Variants in NELFCD observed in about 807,000 individuals in gnomAD.
The protein encoded by NELFCD is negative elongation factor complex member C/D, also known as negative elongation factor C/D.
Under a neutral mutation model 72.9 loss-of-function variants are expected in NELFCD, and 48 were observed. That is an observed-to-expected ratio of 0.66 (90% CI 0.52 to 0.84). The LOEUF (loss-of-function observed/expected upper bound fraction) is 0.84, where lower values mean the gene tolerates loss of function less well. NELFCD is among the 40% of genes least tolerant of loss of function. The pLI is 0.00. For missense variants in NELFCD, 538 were observed against 723.8 expected (o/e 0.74, Z 2.94); for synonymous variants, 297 against 280.6 (o/e 1.06, Z -0.59).
At chr20:58,984,380 G>A (rs1256609773) in intron 1 of NELFCD, among the ~76,000 whole-genome samples, 1 of 152,104 alleles carries the variant, frequency 6.6e-6, no homozygotes, top group Non-Finnish European at 1.5e-5. Flanking sequence ...TGAAAGGAAG[G>A]AATAAGACTG....
In NELFCD at chr20:58,995,006, C is replaced by T. The variant is rs2091849686; in HGVS notation, c.*330C>T. ...CGCTGGGAACTCCACTCGGGGAACTCCTTTCCAAGCTGACCTCAGTTTTCT... is the reference window on the plus strand; with the variant it reads ...CGCTGGGAACTCCACTCGGGGAACTTCTTTCCAAGCTGACCTCAGTTTTCT... On this transcript the variant is annotated 3_prime_UTR_variant, in exon 15 of 15. Transcript: ENST00000652272. 3.7e-6 allele frequency: 1 copy of T among 272,006 alleles called. No individual in the cohort carries two copies. Among genetic ancestry groups the T allele is most frequent in the Non-Finnish European group, 6.9e-6 (1 of 145,152 alleles). The allele number at this position is 272,006 out of a possible 1,614,324, so 16.8% of individuals were successfully genotyped here.
At chr20:58,981,651 C>G (rs1249743256) in intron 1 of NELFCD, among the ~76,000 whole-genome samples, 1 of 151,372 alleles carries the variant, frequency 6.6e-6, no homozygotes, top group Non-Finnish European at 1.5e-5. Flanking sequence ...GGCCCGAGGC[C>G]CCCAGTACCC....
At chr20:58,990,342 G>T in intron 7 of NELFCD, 1 of 226,322 alleles carries the variant, frequency 4.4e-6, no homozygotes, top group East Asian at 1.0e-4. Context: ...GGAGGTTGTG[G>T]TCAGCCAAGA....
At position 58,993,875 on chromosome 20, in the gene NELFCD, A is replaced by G; in HGVS notation, c.1581+111A>G. 7.6e-7 allele frequency: 1 copy of G among 1,310,292 alleles called. No homozygotes were observed. Among genetic ancestry groups the G allele is most frequent in the Non-Finnish European group, 1.1e-6 (1 of 936,504 alleles). 81.2% of individuals were successfully genotyped at this position (1,310,292 alleles called of 1,614,324 possible). A position where few individuals can be genotyped will look rare whatever the true frequency, so the allele number is the denominator to read the frequency against. ...AACTGAGAACTGTGCTTTCTGATGT[A>G]GTGATGACAATGACAGATACTCGTT... On this transcript the variant is annotated intron_variant, in intron 13 of 14. Coordinates refer to ENST00000652272, the MANE Select transcript of NELFCD (RefSeq NM_198976.4). The surrounding 1 kb of genome is among the most constrained non-coding windows in gnomAD (Gnocchi z 5.0).
chr20:58,994,133 T>C lies in NELFCD; in HGVS notation c.1605T>C (p.Pro535=). ...AGGTGCTGGACGTCATTGCTCCTCCTTATACCTCTGACTTCGTGCAACTTT... is the reference window on the plus strand; with the variant it reads ...AGGTGCTGGACGTCATTGCTCCTCCCTATACCTCTGACTTCGTGCAACTTT... The part of the protein sequence containing the change: ...VTEVLDVIAP[P]YTSDFVQLFL... Residue 535 remains proline (P), a synonymous_variant, in exon 14 of 15, where the codon CCT becomes CCC. Coordinates refer to ENST00000652272, the MANE Select transcript of NELFCD (RefSeq NM_198976.4). 1 of 1,614,180 alleles carries C rather than the reference T, an allele frequency of 6.2e-7. No individual in the cohort carries two copies.
At position 58,991,770 on chromosome 20, in the gene NELFCD, A is replaced by G. The variant is rs1284208698; in HGVS notation, c.1090-111A>G. ...AGTTTGACAGCTGAATTGACTCCCAACTTAAGTAGAAATAGGGAAAGTGCT... is the reference window on the plus strand; with the variant it reads ...AGTTTGACAGCTGAATTGACTCCCAGCTTAAGTAGAAATAGGGAAAGTGCT... On this transcript the variant is annotated intron_variant, in intron 9 of 14. Coordinates refer to ENST00000652272, the MANE Select transcript of NELFCD (RefSeq NM_198976.4). 6.8e-6 allele frequency: 9 copies of G among 1,315,894 alleles called. No individual in the cohort carries two copies. In the Admixed American group the frequency reaches 1.8e-4, roughly 26 times the overall value. The allele number at this position is 1,315,894 out of a possible 1,614,324, so 81.5% of individuals were successfully genotyped here.
intron 1 of NELFCD, among the ~76,000 whole-genome samples, chr20:58,983,956 C>A (rs1420388566): frequency 6.6e-6 from 1 of 152,018 alleles, no homozygotes; most frequent in Non-Finnish European, 1.5e-5. Context: ...GGGGGTGGAC[C>A]AGACGTTCAT....
chr20:58,987,176 G>A (rs982460762), intron 3 of NELFCD: 51 of 307,272 alleles, frequency 1.7e-4, no homozygotes, highest in Middle Eastern at 9.3e-4. Flanking sequence ...TTTTCAAGAC[G>A]TCTATTACAG....
intron 1 of NELFCD, 21 bp downstream of exon 1, chr20:58,981,390 CACCCTAGAGAGAATCGT>C: frequency 9.7e-7 from 1 of 1,033,918 alleles, no homozygotes; most frequent in Non-Finnish European, 1.2e-6. Context: ...GCACTGGGCG[CACCCTAGAGAGAATCGT>C]TCGTCTCCGC....
rs562117519 is a variant in NELFCD, at chr20:58,986,814, C to G, written c.237C>G (p.Thr79=). The change falls in exon 3 of 15, where the codon ACC becomes ACG. Residue 79 remains threonine (T), a synonymous_variant. Coordinates refer to ENST00000652272, the MANE Select transcript of NELFCD (RefSeq NM_198976.4). This position sits in a 1 kb window ranked among gnomAD's most constrained non-coding sequence, Gnocchi z 4.4. ...TCCAGCTCTTATCTGAAAACTACAC[C>G]GCTGTGGCCCAGACTGTGAACCTGC... ...NVIQLLSENY[T]AVAQTVNLLA... The G allele has an allele frequency of 3.1e-6, 5 of 1,614,064 alleles. No individual in the cohort carries two copies. The African/African-American group carries it at 5.3e-5, about 17-fold the overall frequency.
chr20:58,992,862 A>AG, intron 10 of NELFCD, 136 bp from the exon 11 acceptor site: 1 of 620,230 alleles, frequency 1.6e-6, no homozygotes, highest in Non-Finnish European at 2.9e-6. Flanking sequence ...AAAAAAAAAA[A>AG]AAAAGGGTTG....
At position 58,994,224 on chromosome 20, in the gene NELFCD, G is replaced by A. The variant is rs1372279154; in HGVS notation, c.1696G>A (p.Val566Met). 2 of 1,614,176 alleles carry A rather than the reference G, an allele frequency of 1.2e-6. No individual in the cohort carries two copies. Among genetic ancestry groups the A allele is most frequent in the Non-Finnish European group, 1.7e-6 (2 of 1,180,010 alleles). The change falls in exon 14 of 15, where the codon GTG (valine) becomes ATG (methionine). Residue 566 changes from valine to methionine, a missense_variant. Val to Met is a conservative substitution (Grantham distance 21). This residue lies in a region of NELFCD where 136 missense variants were observed against 154.0 expected (regional missense o/e 0.88). Transcript: ENST00000652272. The stretch of plus-strand genomic sequence containing the variant: ...CAAAACGGAAGGCGAGCATGACCCT[G>A]TGACGGAGTTTATAGGTGAGGCCGA... Reference protein sequence around the residue: ...TIKTEGEHDPVTEFIAHCKSN... With the variant: ...TIKTEGEHDPMTEFIAHCKSN...
chr20:58,986,167 G>T lies in NELFCD; in HGVS notation c.135G>T (p.Arg45=). The change falls in exon 2 of 15, where the codon CGG becomes CGT. Residue 45 remains arginine (R), a synonymous_variant. Coordinates refer to ENST00000652272, the MANE Select transcript of NELFCD (RefSeq NM_198976.4). This position sits in a 1 kb window ranked among gnomAD's most constrained non-coding sequence, Gnocchi z 4.4. Reference sequence around the variant, plus strand: ...AATGCCTGCATAAATTTTCCACCCGGGATTATATCATGGAACCCTCCATCT... The same window carrying T: ...AATGCCTGCATAAATTTTCCACCCGTGATTATATCATGGAACCCTCCATCT... The part of the protein sequence containing the change: ...QQECLHKFST[R]DYIMEPSIFN... The T allele has an allele frequency of 6.2e-7, 1 of 1,613,790 alleles. No homozygotes were observed. Among genetic ancestry groups the T allele is most frequent in the Non-Finnish European group, 8.5e-7 (1 of 1,179,740 alleles).
rs1254219022 is a variant in NELFCD, at chr20:58,991,193, C to T, written c.954+118C>T. On this transcript the variant is annotated intron_variant, in intron 8 of 14. Transcript: ENST00000652272. ...ATCCATCATTGTCCTGGTCCTTCCTCAGTCACACTCTCTGCCTGGAGCCTG... is the reference window on the plus strand; with the variant it reads ...ATCCATCATTGTCCTGGTCCTTCCTTAGTCACACTCTCTGCCTGGAGCCTG... 6 of 1,550,546 alleles carry T rather than the reference C, an allele frequency of 3.9e-6. No homozygotes were observed. In the South Asian group the frequency reaches 4.7e-5, roughly 12 times the overall value.
At chr20:58,985,858 C>T (rs374473691) in intron 1 of NELFCD, among the ~76,000 whole-genome samples, 3 of 152,246 alleles carry the variant, frequency 2.0e-5, no homozygotes, top group East Asian at 3.9e-4. Flanking sequence ...CTTGTGTGAG[C>T]ATGGAACGCG....
At chr20:58,994,055 G>A in intron 13 of NELFCD, 55 bp from the exon 14 acceptor site, 32 of 1,592,546 alleles carry the variant, frequency 2.0e-5, no homozygotes, top group South Asian at 3.3e-5. Context: ...CCCGGATGTC[G>A]GTGGATGCCC....
intron 1 of NELFCD, among the ~76,000 whole-genome samples, chr20:58,983,125 T>C (rs1321728193): frequency 6.7e-6 from 1 of 149,836 alleles, no homozygotes; most frequent in Non-Finnish European, 1.5e-5. Flanking sequence ...GTATATCACC[T>C]TGAGCCTTTT....
At position 58,993,194 on chromosome 20, in the gene NELFCD, A is replaced by T; in HGVS notation, c.1344+82A>T. On this transcript the variant is annotated intron_variant, in intron 11 of 14. Transcript: ENST00000652272. This position sits in a 1 kb window ranked among gnomAD's most constrained non-coding sequence, Gnocchi z 5.0. ...GTTGGCATTAACATTGCATCTATTC[A>T]GTGAGTTTAGAGGATACTCTTCTCA... is the stretch of plus-strand genomic sequence containing the variant. The T allele has an allele frequency of 9.3e-7, 1 of 1,079,544 alleles. No individual in the cohort carries two copies. Among genetic ancestry groups the T allele is most frequent in the Non-Finnish European group, 1.4e-6 (1 of 698,300 alleles). 66.9% of individuals were successfully genotyped at this position (1,079,544 alleles called of 1,614,324 possible).
At position 58,981,388 on chromosome 20, in the gene NELFCD, C is replaced by A; in HGVS notation, c.60+19C>A. On this transcript the variant is annotated intron_variant, in intron 1 of 14. Transcript: ENST00000652272. The stretch of plus-strand genomic sequence containing the variant: ...CGGCCAGGTGAGGCGGGGCACTGGG[C>A]GCACCCTAGAGAGAATCGTTCGTCT... The A allele has an allele frequency of 9.6e-7, 1 of 1,043,796 alleles. No homozygotes were observed. The highest frequency in any genetic ancestry group is 1.2e-6 in the Non-Finnish European group (1 of 856,030). 64.7% of individuals were successfully genotyped at this position (1,043,796 alleles called of 1,614,324 possible). A position where few individuals can be genotyped will look rare whatever the true frequency, so the allele number is the denominator to read the frequency against.
Sources: allele counts gnomAD v4.1 joint callset (sites outside exome capture counted in the v4.1 genomes callset), GRCh38; gene constraint gnomAD v4.1.1; regional missense constraint gnomAD v4.1.1; non-coding constraint Gnocchi (gnomAD v3.1); transcripts MANE v1.5; gene names NCBI Gene and HGNC (gene_info 2026-07-23, HGNC 2026-07-21).